SEMA3C: variants seen among roughly 807,000 people sequenced by gnomAD.
The protein encoded by SEMA3C is semaphorin 3C.
SEMA3C carries 47 observed loss-of-function variants against 89.4 expected under a neutral mutation model. The ratio of observed to expected loss-of-function variants is 0.53; its 90% confidence interval spans 0.42 to 0.67. The LOEUF (loss-of-function observed/expected upper bound fraction) is 0.67. Among genes scored for constraint, SEMA3C ranks in the 30% least tolerant of loss-of-function variants. The pLI, the probability that SEMA3C is intolerant of heterozygous loss-of-function variation, is 0.00. For missense variants in SEMA3C, 839 were observed against 929.1 expected, an observed-to-expected ratio of 0.90 and a Z score of 1.26; for synonymous variants, 310 against 320.2, an observed-to-expected ratio of 0.97 and a Z score of 0.34.
At chr7:80,884,792 A>G (rs1791434021) in intron 2 of SEMA3C, among the ~76,000 whole-genome samples, 1 of 152,262 alleles carries the variant, frequency 6.6e-6, no homozygotes, top group Admixed American at 6.5e-5. Context: ...GATGTACACC[A>G]TAAATTTCTG....
At chr7:80,917,124 G>A (rs552507758) in intron 1 of SEMA3C, among the ~76,000 whole-genome samples, 90 of 152,216 alleles carry the variant, frequency 5.9e-4, no homozygotes, top group Non-Finnish European at 1.0e-3. Context: ...ATATTTTAAC[G>A]GATCTTCTCT....
At chr7:80,861,282 G>C (rs1473862661) in intron 2 of SEMA3C, among the ~76,000 whole-genome samples, 1 of 152,000 alleles carries the variant, frequency 6.6e-6, no homozygotes, top group East Asian at 1.9e-4. Flanking sequence ...ACAGCTTCTA[G>C]ATCAACTAGT....
chr7:80,801,865 T>C (rs908316951), intron 9 of SEMA3C, among the ~76,000 whole-genome samples: 2 of 152,140 alleles, frequency 1.3e-5, no homozygotes, highest in Non-Finnish European at 2.9e-5. Context: ...TTTTGTTCCA[T>C]AATCAACATA....
intron 2 of SEMA3C, among the ~76,000 whole-genome samples, chr7:80,889,988 A>G (rs140382012): frequency 1.3e-5 from 2 of 152,260 alleles, no homozygotes; most frequent in Non-Finnish European, 2.9e-5. Context: ...TAATTGGAAA[A>G]CTAATTAAAA....
chr7:80,747,354 T>C (rs564552505), intron 17 of SEMA3C, among the ~76,000 whole-genome samples: 1 of 152,288 alleles, frequency 6.6e-6, no homozygotes, highest in Non-Finnish European at 1.5e-5. Context: ...ATGTATTTAT[T>C]TTAAATCATA....
chr7:80,748,691 A>T (rs867766470), intron 17 of SEMA3C, among the ~76,000 whole-genome samples: 6 of 152,178 alleles, frequency 3.9e-5, no homozygotes, highest in South Asian at 2.1e-4. Context: ...ACCATGTTAC[A>T]GAGGTGAGCA....
chr7:80,872,946 A>G (rs1791104216), intron 2 of SEMA3C, among the ~76,000 whole-genome samples: 1 of 151,392 alleles, frequency 6.6e-6, no homozygotes, highest in Non-Finnish European at 1.5e-5. Flanking sequence ...AAAAAAAAGA[A>G]AGCCACATCT....
At chr7:80,795,653 C>A (rs987885763) in intron 11 of SEMA3C, among the ~76,000 whole-genome samples, 1 of 152,186 alleles carries the variant, frequency 6.6e-6, no homozygotes, top group South Asian at 2.1e-4. Context: ...AGTATTCCTA[C>A]ATTTTATGTA....
chr7:80,812,894 C>T (rs1789502339), intron 5 of SEMA3C, among the ~76,000 whole-genome samples: 1 of 151,348 alleles, frequency 6.6e-6, no homozygotes, highest in South Asian at 2.1e-4. Context: ...TCAAGCGATT[C>T]TCATGCCTCA....
chr7:80,894,550 G>A (rs1791689536), intron 2 of SEMA3C, among the ~76,000 whole-genome samples: 1 of 152,128 alleles, frequency 6.6e-6, no homozygotes, highest in African/African-American at 2.4e-5. Flanking sequence ...TTTGAACCCA[G>A]TCTGATGCAT....
rs553092599 is a variant in SEMA3C, at chr7:80,800,097, G to A, written c.986+660C>T. Among the ~76,000 whole-genome samples the A allele has an allele frequency of 2.0e-5, 3 of 148,126 alleles. No homozygotes were observed. In the East Asian group the frequency reaches 6.0e-4, roughly 29 times the overall value. On this transcript the variant is annotated intron_variant, in intron 10 of 17. Transcript: ENST00000265361. ...GAACCCCAGAGGCGGAGCTTGCAGT[G>A]AGCCGAGATCGCACCACTGCACTCC...
At chr7:80,763,500 A>G (rs898073405) in intron 13 of SEMA3C, among the ~76,000 whole-genome samples, 5 of 152,100 alleles carry the variant, frequency 3.3e-5, no homozygotes, top group Non-Finnish European at 7.4e-5. Flanking sequence ...GTGCATTCTG[A>G]CTGACTCTGT....
At chr7:80,868,166 C>T (rs1431056216) in intron 2 of SEMA3C, among the ~76,000 whole-genome samples, 3 of 152,156 alleles carry the variant, frequency 2.0e-5, no homozygotes, top group Non-Finnish European at 4.4e-5. Flanking sequence ...GTGCATGTCT[C>T]TCTCCCAGGA....
At chr7:80,865,774 A>C (rs952486926) in intron 2 of SEMA3C, among the ~76,000 whole-genome samples, 2 of 152,178 alleles carry the variant, frequency 1.3e-5, no homozygotes, top group East Asian at 3.9e-4. Flanking sequence ...AGTCTAGACA[A>C]AAGGGCGAGA....
chr7:80,801,965 C>T (rs889260134), intron 9 of SEMA3C, among the ~76,000 whole-genome samples: 58 of 152,080 alleles, frequency 3.8e-4, no homozygotes, highest in African/African-American at 1.4e-3. Flanking sequence ...TAACTTATCA[C>T]CTGTCTCAAA....
chr7:80,755,428 A>G (rs1230149171), intron 15 of SEMA3C, among the ~76,000 whole-genome samples: 1 of 150,134 alleles, frequency 6.7e-6, no homozygotes, highest in African/African-American at 2.5e-5. Flanking sequence ...TACTTGAGAA[A>G]TATTATTTGT....
upstream of SEMA3C, chr7:80,919,386 C>T (rs1282879899): frequency 4.1e-6 from 4 of 985,198 alleles, no homozygotes; most frequent in East Asian, 2.3e-4. Context: ...GTGCGCTCCA[C>T]GGTTTTTGTT....
intron 2 of SEMA3C, among the ~76,000 whole-genome samples, chr7:80,857,876 C>T (rs565071233): frequency 6.6e-6 from 1 of 152,204 alleles, no homozygotes; most frequent in South Asian, 2.1e-4. Context: ...AGTTGCATGT[C>T]ATGCTTATTA....
chr7:80,776,022 C>T (rs1562870113), intron 12 of SEMA3C, among the ~76,000 whole-genome samples: 1 of 151,804 alleles, frequency 6.6e-6, no homozygotes, highest in Non-Finnish European at 1.5e-5. Flanking sequence ...AGTATACATC[C>T]TCAAAAGCAG....
Sources: allele counts gnomAD v4.1 joint callset (sites outside exome capture counted in the v4.1 genomes callset), GRCh38; gene constraint gnomAD v4.1.1; transcripts MANE v1.5; gene names NCBI Gene and HGNC (gene_info 2026-07-23, HGNC 2026-07-21).